Variants in CNTN1 observed in about 807,000 individuals in gnomAD.
CNTN1 encodes the protein contactin-1.
CNTN1 carries 38 observed loss-of-function variants against 126.4 expected under a neutral mutation model. The ratio of observed to expected loss-of-function variants is 0.30; its 90% CI spans 0.23 to 0.39. The LOEUF (loss-of-function observed/expected upper bound fraction) is 0.39, where lower values mean the gene tolerates loss of function less well. Ranked by LOEUF, CNTN1 falls within the 10% of genes least tolerant of loss-of-function variation. The pLI, the probability that CNTN1 is intolerant of heterozygous loss-of-function variation, is 1.00. For synonymous variants in CNTN1, 413 were observed against 422.6 expected (o/e 0.98, Z 0.28); for missense variants, 1,009 against 1,248.4 (o/e 0.81, Z 2.89).
chr12:40,828,471 A>G (rs1384295251), intron 1 of CNTN1, among the ~76,000 whole-genome samples: 1 of 152,160 alleles, frequency 6.6e-6, no homozygotes. Flanking sequence ...TATATTTGAT[A>G]GTATTGGACC....
intron 1 of CNTN1, among the ~76,000 whole-genome samples, chr12:40,834,794 A>C (rs1440933566): frequency 6.6e-6 from 1 of 152,192 alleles, no homozygotes; most frequent in Non-Finnish European, 1.5e-5. Context: ...ATGATGAATA[A>C]ATGATGATAA....
At chr12:40,946,263 G>A (rs1310940784) in intron 14 of CNTN1, among the ~76,000 whole-genome samples, 2 of 152,000 alleles carry the variant, frequency 1.3e-5, no homozygotes, top group African/African-American at 2.4e-5. Flanking sequence ...TCCACCTTTT[G>A]GAAGATAGTC....
chr12:41,005,258 C>G (rs1948461129), intron 17 of CNTN1: 1 of 152,076 alleles, frequency 6.6e-6, no homozygotes. Flanking sequence ...AATATTGGCC[C>G]CAAATCTCTT....
At chr12:40,823,038 G>T (rs1345237852) in intron 1 of CNTN1, among the ~76,000 whole-genome samples, 2 of 151,622 alleles carry the variant, frequency 1.3e-5, no homozygotes, top group East Asian at 1.9e-4. Flanking sequence ...GATGTAATGG[G>T]GGTATATATT....
chr12:41,005,735 A>G (rs1171943150), intron 17 of CNTN1, among the ~76,000 whole-genome samples: 1 of 152,094 alleles, frequency 6.6e-6, no homozygotes, highest in Non-Finnish European at 1.5e-5. Context: ...TGATTGCATT[A>G]TGAAATTCTT....
At chr12:40,990,438 C>A (rs542919191) in intron 16 of CNTN1, among the ~76,000 whole-genome samples, 2 of 152,228 alleles carry the variant, frequency 1.3e-5, no homozygotes, top group East Asian at 3.9e-4. Context: ...GAGGTCATGA[C>A]TCTGAGTCTG....
intron 20 of CNTN1, among the ~76,000 whole-genome samples, chr12:41,021,905 A>G (rs1592418062): frequency 6.6e-6 from 1 of 152,096 alleles, no homozygotes; most frequent in South Asian, 2.1e-4. Flanking sequence ...CAATGTGTAG[A>G]GCTTGGAAAG....
intron 14 of CNTN1, among the ~76,000 whole-genome samples, chr12:40,948,714 A>G (rs1393678417): frequency 6.6e-6 from 1 of 152,200 alleles, no homozygotes; most frequent in Non-Finnish European, 1.5e-5. Flanking sequence ...TAATTCTCCC[A>G]TAAGTATTTG....
At position 41,059,883 on chromosome 12, in the gene CNTN1, G is replaced by A. The variant is rs114866906; in HGVS notation, c.2981-10076G>A. 7.5e-3 allele frequency among the ~76,000 whole-genome samples: 1,145 copies of A among 152,050 alleles called. 9 individuals carry two copies. Among genetic ancestry groups the A allele is most frequent in the African/African-American group, 0.027 (1,100 of 41,468 alleles). On this transcript the variant is annotated intron_variant, in intron 23 of 23. Transcript: ENST00000551295. Reference sequence around the variant, plus strand: ...CTACGAAAAATATAAAAACTTAGCTGGGAATGGTCATGCATGTCTCTAATC... The same window carrying A: ...CTACGAAAAATATAAAAACTTAGCTAGGAATGGTCATGCATGTCTCTAATC...
intron 10 of CNTN1, 61 bp from the exon 11 acceptor site, chr12:40,937,509 C>G: frequency 9.0e-7 from 1 of 1,108,180 alleles, no homozygotes; most frequent in Non-Finnish European, 1.4e-6. Context: ...AAACCCAGAC[C>G]TAAGTGAAAG....
intron 1 of CNTN1, among the ~76,000 whole-genome samples, chr12:40,719,710 G>A (rs976062193): frequency 8.5e-5 from 13 of 152,214 alleles, no homozygotes; most frequent in African/African-American, 2.9e-4. Context: ...CTACATAACT[G>A]TAGATCTTAG....
intron 1 of CNTN1, among the ~76,000 whole-genome samples, chr12:40,791,101 C>T (rs1269933946): frequency 6.6e-6 from 1 of 152,136 alleles, no homozygotes; most frequent in Admixed American, 6.6e-5. Context: ...GCGTTAATAA[C>T]TACCCTTTTT....
intron 1 of CNTN1, among the ~76,000 whole-genome samples, chr12:40,811,880 T>C (rs1941079304): frequency 6.6e-6 from 1 of 152,012 alleles, no homozygotes; most frequent in Admixed American, 6.6e-5. Context: ...TTTTCCATTT[T>C]CTATTTCACT....
intron 23 of CNTN1, among the ~76,000 whole-genome samples, chr12:41,042,172 T>C (rs1403992243): frequency 1.3e-5 from 2 of 152,142 alleles, no homozygotes; most frequent in Admixed American, 1.3e-4. Flanking sequence ...TTTCGTTATG[T>C]ACCCAGTAGT....
chr12:40,763,994 G>C lies in CNTN1; in HGVS notation c.-77+71402G>C, dbSNP rs186239918. ...GGAGATGGGGGCGGAAATAGCATGAGCCAAGCCAAACCATGGAAACACTTT... is the reference window on the plus strand; with the variant it reads ...GGAGATGGGGGCGGAAATAGCATGACCCAAGCCAAACCATGGAAACACTTT... On this transcript the variant is annotated intron_variant, in intron 1 of 23. Transcript: ENST00000551295. Among the ~76,000 whole-genome samples the C allele has an allele frequency of 6.6e-5, 10 of 152,248 alleles. No homozygotes were observed. The East Asian group carries it at 1.9e-3, about 29-fold the overall frequency.
chr12:40,999,215 T>A (rs1158382742), intron 17 of CNTN1, among the ~76,000 whole-genome samples: 1 of 152,156 alleles, frequency 6.6e-6, no homozygotes, highest in African/African-American at 2.4e-5. Flanking sequence ...CATAAGGGAA[T>A]TACTATTAAA....
intron 1 of CNTN1, among the ~76,000 whole-genome samples, chr12:40,716,363 T>C (rs1942048231): frequency 6.7e-6 from 1 of 148,594 alleles, no homozygotes; most frequent in African/African-American, 2.5e-5. Flanking sequence ...CTTCTCCTCC[T>C]CCCTTTTCTT....
chr12:40,739,621 G>A (rs909269375), intron 1 of CNTN1, among the ~76,000 whole-genome samples: 1 of 151,992 alleles, frequency 6.6e-6, no homozygotes, highest in African/African-American at 2.4e-5. Context: ...ATCTGGAAAG[G>A]TAAACAGAGG....
chr12:40,885,549 TC>T (rs1944001406), intron 1 of CNTN1, among the ~76,000 whole-genome samples: 1 of 151,962 alleles, frequency 6.6e-6, no homozygotes, highest in Non-Finnish European at 1.5e-5. Context: ...CATCTTTGTG[TC>T]TCAATTTCTC....
Sources: gnomAD v4.1 joint callset for allele counts (sites outside exome capture counted in the v4.1 genomes callset) on GRCh38, gnomAD v4.1.1 for gene constraint, MANE v1.5 for transcripts, NCBI Gene and HGNC (gene_info 2026-07-23, HGNC 2026-07-21) for gene names.